Variants in ZNF821 observed in about 807,000 individuals in gnomAD.
ZNF821 encodes zinc finger protein 821.
In ZNF821, 16 loss-of-function variants were observed where a neutral mutation model predicts 44.3. The observed-to-expected ratio is 0.36, with a 90% CI of 0.24 to 0.55. The LOEUF (loss-of-function observed/expected upper bound fraction) is 0.55, where lower values mean the gene tolerates loss of function less well. Ranked by LOEUF, ZNF821 falls within the 20% of genes least tolerant of loss-of-function variation. The pLI is 0.86. For missense variants in ZNF821, 436 were observed against 547.6 expected (o/e 0.80, Z 2.03); for synonymous variants, 204 against 197.6 (o/e 1.03, Z -0.27).
chr16:71,892,178 CAAAAAAAAAAAAAAAA>C (rs560376648), intron 1 of ZNF821, among the ~76,000 whole-genome samples: 8 of 31,938 alleles, frequency 2.5e-4, no homozygotes, highest in African/African-American at 5.2e-4. Context: ...AACTCCGTCT[CAAAAAAAAAAAAAAAA>C]AAAAAAAAAA....
upstream of ZNF821, among the ~76,000 whole-genome samples, chr16:71,886,458 T>A (rs1292362413): frequency 6.6e-6 from 1 of 152,040 alleles, no homozygotes. Context: ...CCATATATAT[T>A]TTTTTAGCTT....
chr16:71,864,717 G>A, intron 5 of ZNF821, 186 bp downstream of exon 5: 1 of 672,000 alleles, frequency 1.5e-6, no homozygotes, highest in Non-Finnish European at 2.5e-6. Context: ...GGATGGAAAA[G>A]GAAAACTGAG....
chr16:71,887,298 C>T (rs867515982), upstream of ZNF821, among the ~76,000 whole-genome samples: 9 of 128,666 alleles, frequency 7.0e-5, no homozygotes, highest in Admixed American at 4.8e-4. Flanking sequence ...CTTGCTCTGT[C>T]GCCCAGGCTG....
chr16:71,879,076 A>C (rs1042208094), intron 3 of ZNF821, among the ~76,000 whole-genome samples: 20 of 152,154 alleles, frequency 1.3e-4, no homozygotes, highest in African/African-American at 4.1e-4. Context: ...CTGTATTCTA[A>C]ATGTCACTCC....
chr16:71,868,658 A>G (rs1056059615), intron 3 of ZNF821, among the ~76,000 whole-genome samples: 5 of 152,322 alleles, frequency 3.3e-5, no homozygotes, highest in East Asian at 3.9e-4. Flanking sequence ...AGAAGAATGG[A>G]TATGAACTCA....
rs774152403 is a variant in ZNF821, at chr16:71,860,026, G to C, written c.1231C>G (p.Leu411Val). The change falls in exon 8 of 8, where the codon CTG becomes GTG. Residue 411 changes from leucine (L) to valine (V), a missense_variant. Around this residue, in one of 5 missense-constraint regions of ZNF821, gnomAD observed 55 missense variants for 56.9 expected, o/e 0.97. Transcript: ENST00000425432. This position sits in a 1 kb window ranked among gnomAD's most constrained non-coding sequence, Gnocchi z 7.3. The part of the protein sequence containing the change: ...MAFEEQNSSS[L>V]H ...AGGCAGGAGGGTGTGGTTCAGTGCAGAGAGCTGCTGTTCTGCTCTTCAAAG... is the reference window on the plus strand; with the variant it reads ...AGGCAGGAGGGTGTGGTTCAGTGCACAGAGCTGCTGTTCTGCTCTTCAAAG... 1 of 1,602,676 alleles carries C rather than the reference G, an allele frequency of 6.2e-7. No individual in the cohort carries two copies. The highest frequency in any genetic ancestry group is 1.1e-5 in the South Asian group (1 of 88,980).
At chr16:71,862,560 TTC>T (rs1253726519) in intron 6 of ZNF821, among the ~76,000 whole-genome samples, 1 of 152,174 alleles carries the variant, frequency 6.6e-6, no homozygotes. Context: ...CTCGGATAAT[TTC>T]TCTCTGTCTC....
chr16:71,887,121 C>T (rs778281608), upstream of ZNF821, among the ~76,000 whole-genome samples: 1 of 152,146 alleles, frequency 6.6e-6, no homozygotes, highest in Non-Finnish European at 1.5e-5. Flanking sequence ...TACTTTTTGG[C>T]TACTATGCAT....
chr16:71,869,498 G>A (rs922335969), intron 3 of ZNF821, among the ~76,000 whole-genome samples: 2 of 152,178 alleles, frequency 1.3e-5, no homozygotes, highest in African/African-American at 2.4e-5. Context: ...AGGCTCTATG[G>A]TGTTTTGTAG....
chr16:71,861,467 G>A (rs2033890490), intron 7 of ZNF821, among the ~76,000 whole-genome samples: 1 of 152,216 alleles, frequency 6.6e-6, no homozygotes, highest in Non-Finnish European at 1.5e-5. Flanking sequence ...GATGGAGACT[G>A]CATCCTCATG....
chr16:71,862,338 G>C lies in ZNF821; in HGVS notation c.418-396C>G, dbSNP rs8045275. 4.2e-3 allele frequency among the ~76,000 whole-genome samples: 646 copies of C among 152,258 alleles called. 7 individuals are homozygous for C. The highest frequency in any genetic ancestry group is 0.014 in the African/African-American group (598 of 41,508). ...AAAAATACAAAAATTAGCCTGGTGT[G>C]GGGGCAGGTGCCTGTAGTCCCAGCT... is the stretch of plus-strand genomic sequence containing the variant. On this transcript the variant is annotated intron_variant, in intron 6 of 7. Coordinates refer to ENST00000425432, the MANE Select transcript of ZNF821 (RefSeq NM_001201552.2).
At chr16:71,875,155 G>T (rs1033587462) in intron 3 of ZNF821, among the ~76,000 whole-genome samples, 4 of 152,162 alleles carry the variant, frequency 2.6e-5, no homozygotes, top group Non-Finnish European at 2.9e-5. Flanking sequence ...CCTCCACAGA[G>T]CCTGCAAAGT....
chr16:71,868,077 G>A, intron 3 of ZNF821, 40 bp from the exon 4 acceptor site: 2 of 1,523,482 alleles, frequency 1.3e-6, no homozygotes, highest in South Asian at 2.4e-5. Flanking sequence ...CACCAGCTGG[G>A]CAGCATATCC....
At chr16:71,873,207 T>G (rs2142414830) in intron 3 of ZNF821, among the ~76,000 whole-genome samples, 1 of 151,930 alleles carries the variant, frequency 6.6e-6, no homozygotes, top group South Asian at 2.1e-4. Context: ...AAGTAATCCC[T>G]GCTACTTGGG....
chr16:71,878,133 T>C (rs1191616101), intron 3 of ZNF821, among the ~76,000 whole-genome samples: 2 of 137,584 alleles, frequency 1.5e-5, no homozygotes, highest in Admixed American at 7.6e-5. Context: ...TTTTTTTTGA[T>C]GGAGTCTATG....
chr16:71,863,293 A>G (rs528300407), intron 6 of ZNF821, among the ~76,000 whole-genome samples: 3 of 152,078 alleles, frequency 2.0e-5, no homozygotes, highest in Non-Finnish European at 4.4e-5. Flanking sequence ...AATAATTTAG[A>G]AAAAAAATCA....
At chr16:71,894,830 C>G in intron 1 of ZNF821, 1 of 1,533,836 alleles carries the variant, frequency 6.5e-7, no homozygotes, top group Non-Finnish European at 8.7e-7. Context: ...GCTTAAGCAG[C>G]GATAATGGTT....
At position 71,860,665 on chromosome 16, in the gene ZNF821, G is replaced by A; in HGVS notation, c.592C>T (p.Leu198Phe). ...TSHATFNSEK[L>F]PEVLNMESLP... ...GATTCCATATTTAGTACTTCAGGAAGTTTCTCACTGGAAAGGAAACATTTT... is the reference window on the plus strand; with the variant it reads ...GATTCCATATTTAGTACTTCAGGAAATTTCTCACTGGAAAGGAAACATTTT... Residue 198 changes from leucine (L) to phenylalanine (F), a missense_variant, in exon 8 of 8, where the codon CTT becomes TTT. Leu to Phe is a conservative substitution (Grantham distance 22). Coordinates refer to ENST00000425432, the MANE Select transcript of ZNF821 (RefSeq NM_001201552.2). The surrounding 1 kb of genome is among the most constrained non-coding windows in gnomAD (Gnocchi z 7.3). 6.2e-7 allele frequency: 1 copy of A among 1,611,512 alleles called. No individual in the cohort carries two copies. The highest frequency in any genetic ancestry group is 1.1e-5 in the South Asian group (1 of 91,022).
At chr16:71,865,573 A>T (rs1019296759) in intron 4 of ZNF821, among the ~76,000 whole-genome samples, 7 of 152,210 alleles carry the variant, frequency 4.6e-5, no homozygotes, top group Non-Finnish European at 4.4e-5. Context: ...CCAGCAATGG[A>T]AGCAGTAGTA....
Sources: gnomAD v4.1 joint callset for allele counts (sites outside exome capture counted in the v4.1 genomes callset) on GRCh38, gnomAD v4.1.1 for gene constraint, gnomAD v4.1.1 regional missense constraint, Gnocchi (gnomAD v3.1) non-coding constraint, MANE v1.5 for transcripts, NCBI Gene and HGNC (gene_info 2026-07-23, HGNC 2026-07-21) for gene names.